Variants in CACNA1C observed in about 807,000 individuals in gnomAD.
The protein encoded by CACNA1C is calcium voltage-gated channel subunit alpha1 C, also known as voltage-dependent L-type calcium channel subunit alpha-1C.
A neutral mutation model predicts 229.0 loss-of-function variants in CACNA1C; 30 were observed. The ratio of observed to expected loss-of-function variants is 0.13; its 90% confidence interval spans 0.10 to 0.18. CACNA1C has a LOEUF of 0.18. Among genes scored for constraint, CACNA1C ranks in the 10% least tolerant of loss-of-function variants. CACNA1C has a pLI of 1.00. For synonymous variants in CACNA1C, 1,114 were observed against 1,132.5 expected (o/e 0.98, Z 0.33); for missense variants, 1,658 against 2,845.0 (o/e 0.58, Z 9.49).
At chr12:2,550,673 AT>A in intron 10 of CACNA1C, 1 of 1,343,490 alleles carries the variant, frequency 7.4e-7, no homozygotes, top group Non-Finnish European at 9.8e-7. Context: ...GGTACAATGC[AT>A]TTCTGAATTG....
At chr12:2,461,581 C>T (rs948613080) in intron 5 of CACNA1C, among the ~76,000 whole-genome samples, 2 of 152,240 alleles carry the variant, frequency 1.3e-5, no homozygotes, top group East Asian at 3.9e-4. Context: ...CCCTACCTGC[C>T]GACTCCGTTC....
At chr12:2,688,056 G>C (rs952497280) in intron 45 of CACNA1C, among the ~76,000 whole-genome samples, 1 of 152,208 alleles carries the variant, frequency 6.6e-6, no homozygotes, top group Non-Finnish European at 1.5e-5. Flanking sequence ...TGGATAGACA[G>C]CATTCGTTTT....
intron 4 of CACNA1C, among the ~76,000 whole-genome samples, chr12:2,453,076 G>T (rs1054289535): frequency 6.6e-6 from 1 of 152,076 alleles, no homozygotes; most frequent in African/African-American, 2.4e-5. Flanking sequence ...CTCAAACTTC[G>T]TTCGGCTGCA....
At chr12:2,478,877 A>G (rs1177436282) in intron 5 of CACNA1C, among the ~76,000 whole-genome samples, 2 of 152,210 alleles carry the variant, frequency 1.3e-5, no homozygotes, top group African/African-American at 4.8e-5. Context: ...GCACAAGTGA[A>G]TGATGGCATA....
At chr12:2,242,067 C>T (rs2070636612) in intron 3 of CACNA1C, among the ~76,000 whole-genome samples, 1 of 152,148 alleles carries the variant, frequency 6.6e-6, no homozygotes, top group Admixed American at 6.5e-5. Flanking sequence ...GTCCTTGTGC[C>T]CTCTGCATAG....
At chr12:1,980,965 A>G (rs2035960710) in intron 1 of CACNA1C, among the ~76,000 whole-genome samples, 1 of 152,154 alleles carries the variant, frequency 6.6e-6, no homozygotes, top group South Asian at 2.1e-4. Flanking sequence ...GCTTTTTAGA[A>G]TTTAAATAAA....
chr12:2,531,391 TGG>T (rs1394995639), intron 9 of CACNA1C, among the ~76,000 whole-genome samples: 1 of 152,190 alleles, frequency 6.6e-6, no homozygotes, highest in Admixed American at 6.5e-5. Flanking sequence ...TGATACTAAC[TGG>T]CCCTGTAACC....
chr12:2,366,321 T>G (rs1016778044), intron 3 of CACNA1C, among the ~76,000 whole-genome samples: 8 of 152,330 alleles, frequency 5.3e-5, no homozygotes, highest in African/African-American at 1.9e-4. Context: ...TTTATTAGTA[T>G]TATTTATAAA....
At chr12:2,052,512 G>A (rs1207990391), upstream of CACNA1C, among the ~76,000 whole-genome samples, 1 of 151,568 alleles carries the variant, frequency 6.6e-6, no homozygotes, top group Non-Finnish European at 1.5e-5. Flanking sequence ...GGCCCAGCAG[G>A]GACGCGCCGC....
At chr12:2,310,154 C>T (rs2095341238) in intron 3 of CACNA1C, among the ~76,000 whole-genome samples, 1 of 152,108 alleles carries the variant, frequency 6.6e-6, no homozygotes, top group Admixed American at 6.5e-5. Flanking sequence ...AACCCTTTAA[C>T]AACCCCATCA....
At position 2,646,762 on chromosome 12, in the gene CACNA1C, G is replaced by C. The variant is rs1180160294; in HGVS notation, c.3913-1713G>C. ...TGTGCATGCCTGTATGAGAGAGAGAGAGAGAAAGAGAGAGAGAGAGAGAGA... is the reference window on the plus strand; with the variant it reads ...TGTGCATGCCTGTATGAGAGAGAGACAGAGAAAGAGAGAGAGAGAGAGAGA... On this transcript the variant is annotated intron_variant, in intron 30 of 46. Transcript: ENST00000399655. This position sits in a 1 kb window ranked among gnomAD's most constrained non-coding sequence, Gnocchi z 4.6. 1.6e-5 allele frequency among the ~76,000 whole-genome samples: 1 copy of C among 61,152 alleles called. No homozygotes were observed. Among genetic ancestry groups the C allele is most frequent in the African/African-American group, 8.1e-5 (1 of 12,276 alleles). The allele number at this position is 61,152 out of a possible 152,430, so 40.1% of individuals were successfully genotyped here.
intron 3 of CACNA1C, among the ~76,000 whole-genome samples, chr12:2,205,955 T>C (rs1414222074): frequency 6.6e-6 from 1 of 152,180 alleles, no homozygotes; most frequent in African/African-American, 2.4e-5. Context: ...CTCTGCCCCA[T>C]GACCTAATTG....
rs539297284 is a variant in CACNA1C at position 2,478,458 on chromosome 12, A to T, written c.758-7646A>T. 2.0e-4 allele frequency among the ~76,000 whole-genome samples: 30 copies of T among 152,244 alleles called. 1 individual carries two copies. The highest frequency in any genetic ancestry group is 1.5e-3 in the South Asian group (7 of 4,822). ...AACTCATTCCCCACCCATGATGGAG[A>T]ATTACAATCCACATTTTGACAAGAT... On this transcript the variant is annotated intron_variant, in intron 5 of 46. Coordinates refer to ENST00000399655, the MANE Select transcript of CACNA1C (RefSeq NM_000719.7).
At chr12:2,277,862 C>A (rs1447380714) in intron 3 of CACNA1C, among the ~76,000 whole-genome samples, 1 of 152,226 alleles carries the variant, frequency 6.6e-6, no homozygotes, top group Non-Finnish European at 1.5e-5. Context: ...GATTCTGTTA[C>A]ACTCGCACAG....
chr12:2,232,227 GT>G (rs1169407536), intron 3 of CACNA1C, among the ~76,000 whole-genome samples: 6,904 of 73,618 alleles, frequency 0.094, 96 homozygotes, highest in Non-Finnish European at 0.1. Flanking sequence ...GTCTTTCCTT[GT>G]TTTTTTTTTT....
Position 2,639,114 on chromosome 12 carries a change from G to A in CACNA1C, c.3912+4734G>A, listed in dbSNP as rs1479372739. ...GGACCGTCTTCAGGCCCCCTCGTGC[G>A]GTCATGCTGAATTCAGCCTCAGTAT... On this transcript the variant is annotated intron_variant, in intron 30 of 46. Transcript: ENST00000399655. The surrounding 1 kb of genome is among the most constrained non-coding windows in gnomAD (Gnocchi z 4.2). Among the ~76,000 whole-genome samples, 3 of 152,192 alleles carry A rather than the reference G, an allele frequency of 2.0e-5. No individual in the cohort carries two copies. The highest frequency in any genetic ancestry group is 4.4e-5 in the Non-Finnish European group (3 of 68,042).
intron 3 of CACNA1C, among the ~76,000 whole-genome samples, chr12:2,124,265 G>T (rs746391835): frequency 4.6e-5 from 7 of 152,112 alleles, no homozygotes; most frequent in Non-Finnish European, 1.0e-4. Flanking sequence ...CAGGGTGTCA[G>T]GGTGGAAGAA....
intron 3 of CACNA1C, among the ~76,000 whole-genome samples, chr12:2,220,366 G>C (rs2061143826): frequency 6.6e-6 from 1 of 152,190 alleles, no homozygotes; most frequent in Non-Finnish European, 1.5e-5. Context: ...TGGCTCCCTG[G>C]TAAGGCTCAG....
At chr12:2,466,548 A>AC (rs1172599791) in intron 5 of CACNA1C, among the ~76,000 whole-genome samples, 2 of 151,832 alleles carry the variant, frequency 1.3e-5, no homozygotes, top group Non-Finnish European at 2.9e-5. Flanking sequence ...ACAGTGCTTC[A>AC]CTCCCCATCC....
Sources: gnomAD v4.1 joint callset for allele counts (sites outside exome capture counted in the v4.1 genomes callset) on GRCh38, gnomAD v4.1.1 for gene constraint, Gnocchi (gnomAD v3.1) non-coding constraint, MANE v1.5 for transcripts, NCBI Gene and HGNC (gene_info 2026-07-23, HGNC 2026-07-21) for gene names.